The following CLNK variants were observed in gnomAD, a reference collection of about 807,000 sequenced individuals.
CLNK encodes the protein cytokine dependent hematopoietic cell linker.
A neutral mutation model predicts 68.6 loss-of-function variants in CLNK; 74 were observed. The observed-to-expected ratio is 1.08, with a 90% CI of 0.89 to 1.31. CLNK has a LOEUF of 1.31. Among genes scored for constraint, CLNK ranks in the 50% most tolerant of loss-of-function variants. The pLI is 0.00. For missense variants in CLNK, 553 were observed against 515.3 expected, an observed-to-expected ratio of 1.07 and a Z score of -0.71; for synonymous variants, 198 against 172.2, an observed-to-expected ratio of 1.15 and a Z score of -1.17.
chr4:10,645,342 G>A (rs533530226), intron 2 of CLNK, among the ~76,000 whole-genome samples: 3 of 152,266 alleles, frequency 2.0e-5, no homozygotes, highest in Admixed American at 2.0e-4. Flanking sequence ...ATACTATAGA[G>A]CTCACTAAAT....
intron 2 of CLNK, among the ~76,000 whole-genome samples, chr4:10,666,139 A>G (rs1724388840): frequency 6.6e-6 from 1 of 152,232 alleles, no homozygotes; most frequent in African/African-American, 2.4e-5. Flanking sequence ...GAACAAGACC[A>G]GGAAGTATTC....
At chr4:10,686,422 G>A (rs771790480), upstream of CLNK, among the ~76,000 whole-genome samples, 6 of 151,986 alleles carry the variant, frequency 3.9e-5, no homozygotes, top group Non-Finnish European at 8.8e-5. Flanking sequence ...CTAGTGGGTT[G>A]AGAGGCAGTT....
chr4:10,694,906 G>A, the CLNK span, among the ~76,000 whole-genome samples: 1 of 152,154 alleles, frequency 6.6e-6, no homozygotes, highest in Non-Finnish European at 1.5e-5. Flanking sequence ...CCTAAATAGT[G>A]TTCCATTTAT....
intron 11 of CLNK, among the ~76,000 whole-genome samples, chr4:10,534,452 G>C (rs4698064): frequency 0.99 from 150,907 of 152,294 alleles, 74,789 homozygotes; most frequent in East Asian, 1. Context: ...CTCCAGGAAT[G>C]CCTTAGTTTT....
At chr4:10,656,070 T>C (rs1723971910) in intron 2 of CLNK, among the ~76,000 whole-genome samples, 1 of 152,056 alleles carries the variant, frequency 6.6e-6, no homozygotes, top group African/African-American at 2.4e-5. Context: ...TGCAGGCTAT[T>C]AAAGATTTAA....
At chr4:10,731,811 T>A in the CLNK span, among the ~76,000 whole-genome samples, 1 of 152,212 alleles carries the variant, frequency 6.6e-6, no homozygotes, top group Non-Finnish European at 1.5e-5. Flanking sequence ...GAGAAGGCTT[T>A]GCAAGAAAGG....
intron 12 of CLNK, chr4:10,531,836 T>C (rs1718556865): frequency 2.2e-6 from 1 of 461,574 alleles, no homozygotes; most frequent in Non-Finnish European, 4.3e-6. Flanking sequence ...GCAGGATTCC[T>C]ACCCAGGTCT....
intron 18 of CLNK, among the ~76,000 whole-genome samples, chr4:10,498,772 C>G (rs1716916128): frequency 6.6e-6 from 1 of 152,152 alleles, no homozygotes; most frequent in African/African-American, 2.4e-5. Context: ...GAAGAACTGA[C>G]CACTTCTGTC....
At chr4:10,641,001 G>A (rs1723284796) in intron 2 of CLNK, among the ~76,000 whole-genome samples, 1 of 152,160 alleles carries the variant, frequency 6.6e-6, no homozygotes, top group African/African-American at 2.4e-5. Context: ...CAACCGCTGA[G>A]CATGTCAGGG....
At chr4:10,656,788 AT>A (rs1373258657) in intron 2 of CLNK, among the ~76,000 whole-genome samples, 2 of 152,192 alleles carry the variant, frequency 1.3e-5, no homozygotes, top group Non-Finnish European at 2.9e-5. Flanking sequence ...TATTAGCAAT[AT>A]TTAGGAAACA....
At position 10,540,522 on chromosome 4, in the gene CLNK, T is replaced by A. The variant is rs764538653; in HGVS notation, c.574A>T (p.Thr192Ser). 1.2e-6 allele frequency: 2 copies of A among 1,613,354 alleles called. No individual in the cohort carries two copies. Among genetic ancestry groups the A allele is most frequent in the Non-Finnish European group, 1.7e-6 (2 of 1,179,472 alleles). The change falls in exon 11 of 19, where the codon ACC (threonine) becomes TCC (serine). Residue 192 changes from threonine to serine, a missense_variant. Transcript: ENST00000226951. ...GGCATTCTCTGGACTTCTGGAAAGG[T>A]GTGTCTCTGAGATAAAGGTGGCCTG... is the stretch of plus-strand genomic sequence containing the variant. Reference protein sequence around the residue: ...SSRPPLSQRHTFPEVQRMPSQ... With the variant: ...SSRPPLSQRHSFPEVQRMPSQ...
the CLNK span, among the ~76,000 whole-genome samples, chr4:10,732,553 G>T: frequency 6.6e-6 from 1 of 152,188 alleles, no homozygotes; most frequent in South Asian, 2.1e-4. Context: ...AAGGACAGGG[G>T]TTCAAGCTCT....
intron 2 of CLNK, among the ~76,000 whole-genome samples, chr4:10,603,622 G>A (rs1029452448): frequency 9.2e-5 from 14 of 152,354 alleles, no homozygotes; most frequent in African/African-American, 4.8e-5. Flanking sequence ...AGGCAGAATT[G>A]GGCAGGGGGA....
chr4:10,557,465 C>T (rs1267565528), intron 8 of CLNK, among the ~76,000 whole-genome samples: 1 of 152,112 alleles, frequency 6.6e-6, no homozygotes, highest in Admixed American at 6.6e-5. Flanking sequence ...AGTGGTGTCC[C>T]GGGACCAGTG....
intron 2 of CLNK, among the ~76,000 whole-genome samples, chr4:10,655,944 C>T (rs1421467416): frequency 3.3e-5 from 5 of 151,836 alleles, no homozygotes; most frequent in Admixed American, 3.3e-4. Flanking sequence ...CCACTGCGCC[C>T]GGCCGATAGC....
At chr4:10,562,668 T>C (rs1471067550) in intron 7 of CLNK, among the ~76,000 whole-genome samples, 1 of 152,206 alleles carries the variant, frequency 6.6e-6, no homozygotes, top group Non-Finnish European at 1.5e-5. Flanking sequence ...ACTCCCAAAG[T>C]GCTGAGATTA....
intron 16 of CLNK, among the ~76,000 whole-genome samples, chr4:10,509,427 C>T (rs1212762919): frequency 6.6e-6 from 1 of 152,124 alleles, no homozygotes; most frequent in Non-Finnish European, 1.5e-5. Flanking sequence ...TAGGGATAGA[C>T]CAGAACTGGC....
intron 11 of CLNK, among the ~76,000 whole-genome samples, chr4:10,535,120 G>A (rs910189084): frequency 4.0e-5 from 6 of 151,816 alleles, no homozygotes; most frequent in Non-Finnish European, 8.8e-5. Context: ...AGGATAAGGC[G>A]GGCGGACTGC....
At chr4:10,713,928 C>A in the CLNK span, among the ~76,000 whole-genome samples, 1 of 152,126 alleles carries the variant, frequency 6.6e-6, no homozygotes, top group African/African-American at 2.4e-5. Flanking sequence ...TAATGCAATC[C>A]TTTTTTAGAC....
Sources: allele counts gnomAD v4.1 joint callset (sites outside exome capture counted in the v4.1 genomes callset), GRCh38; gene constraint gnomAD v4.1.1; transcripts MANE v1.5; gene names NCBI Gene and HGNC (gene_info 2026-07-23, HGNC 2026-07-21).